Variants in DKK4 observed in about 807,000 individuals in gnomAD.
DKK4 encodes the protein dickkopf-related protein 4.
In DKK4, 15 loss-of-function variants were observed where a neutral mutation model predicts 14.5. The observed-to-expected ratio is 1.03, with a 90% CI of 0.69 to 1.59. The LOEUF (loss-of-function observed/expected upper bound fraction) is 1.59. DKK4 is among the 40% of genes most tolerant of loss of function. The pLI is 0.00. For synonymous variants in DKK4, 89 were observed against 105.2 expected (o/e 0.85, Z 0.94); for missense variants, 272 against 280.3 (o/e 0.97, Z 0.21).
At chr8:42,388,736 A>G in the DKK4 span, among the ~76,000 whole-genome samples, 1 of 149,002 alleles carries the variant, frequency 6.7e-6, no homozygotes, top group Non-Finnish European at 1.5e-5. Context: ...ACGCCCAGCT[A>G]ATTTTTGTAT....
At chr8:42,381,170 G>A (rs11996105), upstream of DKK4, among the ~76,000 whole-genome samples, 31,602 of 151,496 alleles carry the variant, frequency 0.21, 6,570 homozygotes, top group African/African-American at 0.54. Context: ...TCTGAAGTTC[G>A]AGCTGCATCA....
the DKK4 span, among the ~76,000 whole-genome samples, chr8:42,386,393 A>G: frequency 6.6e-6 from 1 of 152,116 alleles, no homozygotes; most frequent in African/African-American, 2.4e-5. Context: ...AGATCATCAA[A>G]TATTATCAGA....
chr8:42,388,595 G>A, the DKK4 span, among the ~76,000 whole-genome samples: 24 of 151,204 alleles, frequency 1.6e-4, no homozygotes, highest in African/African-American at 5.1e-4. Flanking sequence ...TTTTTGAGAC[G>A]GAGTCTCACT....
At chr8:42,374,712 G>A (rs763294813) in intron 3 of DKK4, 49 bp downstream of exon 3, 7 of 1,609,704 alleles carry the variant, frequency 4.3e-6, no homozygotes, top group Non-Finnish European at 5.9e-6. Flanking sequence ...GAGGCTGGGA[G>A]GAGAAAATGC....
the DKK4 span, among the ~76,000 whole-genome samples, chr8:42,387,344 C>CTTTTTTTT: frequency 2.0e-4 from 9 of 44,908 alleles, 1 homozygote; most frequent in Non-Finnish European, 2.6e-4. Flanking sequence ...GAAGGCCAGT[C>CTTTTTTTT]TTTTTTTTTT....
the DKK4 span, among the ~76,000 whole-genome samples, chr8:42,383,537 A>G: frequency 5.3e-4 from 81 of 152,368 alleles, no homozygotes; most frequent in African/African-American, 1.8e-3. Flanking sequence ...TTCCAGCAGC[A>G]ACAGCCTTGG....
At chr8:42,377,320 A>G, upstream of DKK4, 1 of 394,636 alleles carries the variant, frequency 2.5e-6, no homozygotes, top group South Asian at 5.2e-5. Flanking sequence ...GCTTCAACAA[A>G]TCCCTTCAAA....
the DKK4 span, among the ~76,000 whole-genome samples, chr8:42,384,929 C>T: frequency 4.6e-5 from 7 of 152,228 alleles, no homozygotes; most frequent in Non-Finnish European, 7.3e-5. Flanking sequence ...TGTATGTCAC[C>T]TCCTTCTTTC....
rs771646549 is a variant in DKK4 at position 42,374,275 on chromosome 8, T to G, written c.500A>C (p.Lys167Thr). Reference sequence around the variant, plus strand: ...GACCTGTCCCTCCAAAAGGACTGGCTTACAAATTTTCGTCCAAAAATGACG... The same window carrying G: ...GACCTGTCCCTCCAAAAGGACTGGCGTACAAATTTTCGTCCAAAAATGACG... ...CARHFWTKIC[K>T]PVLLEGQVCS... The change falls in exon 4 of 4, where the codon AAG becomes ACG. Residue 167 changes from lysine (K) to threonine (T), a missense_variant. Coordinates refer to ENST00000220812, the MANE Select transcript of DKK4 (RefSeq NM_014420.3). The G allele has an allele frequency of 2.2e-5, 36 of 1,612,050 alleles. No homozygotes were observed. The highest frequency in any genetic ancestry group is 3.1e-5 in the Non-Finnish European group (36 of 1,178,972).
In DKK4 at chr8:42,377,105, T is replaced by A; in HGVS notation, c.-60A>T. The A allele has an allele frequency of 7.0e-7, 1 of 1,431,950 alleles. No homozygotes were observed. Among genetic ancestry groups the A allele is most frequent in the South Asian group, 1.2e-5 (1 of 84,912 alleles). The allele number at this position is 1,431,950 out of a possible 1,614,324, so 88.7% of individuals were successfully genotyped here. A position where few individuals can be genotyped will look rare whatever the true frequency, so the allele number is the denominator to read the frequency against. On this transcript the variant is annotated 5_prime_UTR_variant, in exon 1 of 4. Coordinates refer to ENST00000220812, the MANE Select transcript of DKK4 (RefSeq NM_014420.3). The stretch of plus-strand genomic sequence containing the variant: ...CTGTGCGTCACCAAAGCGAGGCTGC[T>A]CTCCACCCAGAGCAGAGCTTCCACT...
upstream of DKK4, among the ~76,000 whole-genome samples, chr8:42,381,864 G>A (rs1405527358): frequency 6.6e-6 from 1 of 152,140 alleles, no homozygotes; most frequent in African/African-American, 2.4e-5. Context: ...GGGCATGATG[G>A]CACACACCTG....
At chr8:42,389,588 T>G in the DKK4 span, among the ~76,000 whole-genome samples, 2 of 152,226 alleles carry the variant, frequency 1.3e-5, no homozygotes, top group Non-Finnish European at 2.9e-5. Flanking sequence ...TGCCTTTTGA[T>G]TCAAGCAGCA....
At chr8:42,389,253 A>G in the DKK4 span, among the ~76,000 whole-genome samples, 45 of 152,200 alleles carry the variant, frequency 3.0e-4, no homozygotes, top group Non-Finnish European at 5.7e-4. Context: ...TGGATACATT[A>G]TTTGATTTAA....
At chr8:42,388,269 G>A in the DKK4 span, among the ~76,000 whole-genome samples, 10 of 151,760 alleles carry the variant, frequency 6.6e-5, no homozygotes, top group African/African-American at 1.2e-4. Context: ...TCACTCTGTC[G>A]CCCAGGCTAG....
At chr8:42,388,063 T>G in the DKK4 span, among the ~76,000 whole-genome samples, 1 of 152,098 alleles carries the variant, frequency 6.6e-6, no homozygotes, top group African/African-American at 2.4e-5. Flanking sequence ...CACCCTCAGC[T>G]AATTAAAAAT....
chr8:42,379,467 C>T (rs1824632685), upstream of DKK4, among the ~76,000 whole-genome samples: 1 of 121,496 alleles, frequency 8.2e-6, no homozygotes, highest in African/African-American at 3.1e-5. Flanking sequence ...GATGACAGAG[C>T]CTGGGTGACA....
At position 42,374,909 on chromosome 8, in the gene DKK4, A is replaced by G. The variant is rs767149414; in HGVS notation, c.267T>C (p.Val89=). 2 of 1,614,094 alleles carry G rather than the reference A, an allele frequency of 1.2e-6. No homozygotes were observed. Among genetic ancestry groups the G allele is most frequent in the Non-Finnish European group, 8.5e-7 (1 of 1,179,974 alleles). The change falls in exon 3 of 4, where the codon GTT becomes GTC. Residue 89 remains valine (V), a synonymous_variant. Coordinates refer to ENST00000220812, the MANE Select transcript of DKK4 (RefSeq NM_014420.3). ...CCPGTLCVND[V]CTTMEDATPI... ...GGGTTGCATCTTCCATCGTAGTACA[A>G]ACATCTGAGGGACAACCAGGTGTAA...
chr8:42,389,558 C>A, the DKK4 span, among the ~76,000 whole-genome samples: 1 of 152,196 alleles, frequency 6.6e-6, no homozygotes, highest in Non-Finnish European at 1.5e-5. Flanking sequence ...ACCTTTCACA[C>A]AGCGGTCAAA....
At chr8:42,375,282 T>G (rs899758263) in intron 2 of DKK4, among the ~76,000 whole-genome samples, 2 of 152,214 alleles carry the variant, frequency 1.3e-5, no homozygotes, top group African/African-American at 2.4e-5. Context: ...GGCTTACGCT[T>G]GTAATCCCAG....
Sources: allele counts gnomAD v4.1 joint callset (sites outside exome capture counted in the v4.1 genomes callset), GRCh38; gene constraint gnomAD v4.1.1; transcripts MANE v1.5; gene names NCBI Gene and HGNC (gene_info 2026-07-23, HGNC 2026-07-21).